OGA: variants seen among roughly 807,000 people sequenced by gnomAD.
OGA encodes protein O-GlcNAcase.
OGA carries 21 observed loss-of-function variants against 102.0 expected under a neutral mutation model. That is an observed-to-expected ratio of 0.21 (90% CI 0.15 to 0.30). The LOEUF is 0.30. Ranked by LOEUF, OGA falls within the 10% of genes least tolerant of loss-of-function variation. OGA has a pLI of 1.00. For missense variants in OGA, 765 were observed against 1,107.8 expected (o/e 0.69, Z 4.39); for synonymous variants, 408 against 378.2 (o/e 1.08, Z -0.91).
rs1400817836 is a variant in OGA, at chr10:101,803,098, G to A, written c.1036+637C>T. Among the ~76,000 whole-genome samples, 11 of 147,438 alleles carry A rather than the reference G, an allele frequency of 7.5e-5. No homozygotes were observed. The South Asian group carries it at 8.5e-4, about 11-fold the overall frequency. On this transcript the variant is annotated intron_variant, in intron 7 of 15. Transcript: ENST00000361464. The stretch of plus-strand genomic sequence containing the variant: ...AGAGGTTGCAGCGAGCTGAGATTGC[G>A]CCACTGCACTCCAGCCTGGGCGATG...
intron 1 of OGA, 51 bp downstream of exon 1, chr10:101,817,773 C>A: frequency 6.5e-7 from 1 of 1,528,468 alleles, no homozygotes; most frequent in Non-Finnish European, 8.8e-7. Flanking sequence ...ACCCTCCTCC[C>A]GAGGACAGAA....
At chr10:101,799,826 A>G (rs2065365696) in intron 8 of OGA, among the ~76,000 whole-genome samples, 1 of 152,166 alleles carries the variant, frequency 6.6e-6, no homozygotes, top group African/African-American at 2.4e-5. Flanking sequence ...AGATCCCCCA[A>G]TTTCATTTAA....
intron 3 of OGA, among the ~76,000 whole-genome samples, chr10:101,811,064 T>C (rs993529798): frequency 1.3e-5 from 2 of 151,796 alleles, no homozygotes; most frequent in African/African-American, 4.8e-5. Context: ...CATAACTACT[T>C]TATAATATGA....
At chr10:101,810,039 C>CT in intron 4 of OGA, 145 bp downstream of exon 4, 2 of 861,976 alleles carry the variant, frequency 2.3e-6, no homozygotes, top group African/African-American at 1.7e-5. Flanking sequence ...GAGCAAGACT[C>CT]TGTCTCAAAA....
At chr10:101,804,156 C>A (rs1055707083) in intron 6 of OGA, 137 bp from the exon 7 acceptor site, 10 of 572,306 alleles carry the variant, frequency 1.7e-5, no homozygotes, top group Non-Finnish European at 2.7e-5. Flanking sequence ...CCAGCCTGGG[C>A]AACACAGCGA....
At chr10:101,800,017 C>T (rs1371097951) in intron 8 of OGA, among the ~76,000 whole-genome samples, 2 of 152,118 alleles carry the variant, frequency 1.3e-5, no homozygotes, top group African/African-American at 4.8e-5. Context: ...GGACGACAGG[C>T]GCATGCCACC....
intron 3 of OGA, 159 bp downstream of exon 3, chr10:101,812,869 ACT>A: frequency 1.4e-6 from 1 of 702,070 alleles, no homozygotes; most frequent in Non-Finnish European, 2.6e-6. Flanking sequence ...AGCGCAGAGC[ACT>A]CTTTCAATCT....
At chr10:101,790,820 A>G (rs2065252963) in intron 14 of OGA, 76 bp downstream of exon 14, 1 of 1,094,962 alleles carries the variant, frequency 9.1e-7, no homozygotes, top group Non-Finnish European at 1.3e-6. Flanking sequence ...CATTTTAGTA[A>G]GTACTTTAAT....
Position 101,800,450 on chromosome 10 carries a change from C to T in OGA, c.1037-50G>A. 3 of 1,464,000 alleles carry T rather than the reference C, an allele frequency of 2.0e-6. No individual in the cohort carries two copies. In the South Asian group the frequency reaches 3.6e-5, roughly 17 times the overall value. 90.7% of individuals were successfully genotyped at this position (1,464,000 alleles called of 1,614,324 possible). On this transcript the variant is annotated intron_variant, in intron 7 of 15. Coordinates refer to ENST00000361464, the MANE Select transcript of OGA (RefSeq NM_012215.5). ...ACAAAAATAGTTTTGATTACAAAAG[C>T]CTTCTGACAAGTGAGAAGAATAAAT...
intron 5 of OGA, among the ~76,000 whole-genome samples, chr10:101,806,993 T>A (rs923928699): frequency 6.6e-6 from 1 of 152,202 alleles, no homozygotes; most frequent in Non-Finnish European, 1.5e-5. Context: ...AAAAAAAATT[T>A]TTTTAAAGGC....
At chr10:101,792,411 G>A (rs949334052) in intron 12 of OGA, among the ~76,000 whole-genome samples, 2 of 152,188 alleles carry the variant, frequency 1.3e-5, no homozygotes, top group Non-Finnish European at 2.9e-5. Context: ...AAAGTACTGG[G>A]ATTACAGACG....
intron 15 of OGA, 80 bp from the exon 16 acceptor site, chr10:101,786,667 G>T: frequency 2.5e-6 from 3 of 1,188,938 alleles, no homozygotes; most frequent in Non-Finnish European, 3.4e-6. Context: ...TAATCTTCGA[G>T]ATGGTTAATA....
chr10:101,791,573 T>A, intron 12 of OGA, 134 bp from the exon 13 acceptor site: 1 of 640,480 alleles, frequency 1.6e-6, no homozygotes, highest in Non-Finnish European at 2.8e-6. Context: ...TATCACCTCT[T>A]CTTTGTAAAA....
intron 7 of OGA, 59 bp downstream of exon 7, chr10:101,803,676 T>C: frequency 6.8e-7 from 1 of 1,465,330 alleles, no homozygotes; most frequent in African/African-American, 1.4e-5. Context: ...TACTTTCCAC[T>C]GGCTCTAGTT....
intron 3 of OGA, among the ~76,000 whole-genome samples, chr10:101,810,643 T>C (rs958571450): frequency 8.5e-5 from 13 of 152,234 alleles, no homozygotes; most frequent in Non-Finnish European, 2.9e-5. Context: ...TTTCCTCCCT[T>C]TCATTGCCAC....
At chr10:101,798,747 T>C in intron 9 of OGA, 95 bp downstream of exon 9, 1 of 1,406,512 alleles carries the variant, frequency 7.1e-7, no homozygotes, top group Non-Finnish European at 9.6e-7. Context: ...GTCAATTTTC[T>C]GTCAGTTACA....
At position 101,818,323 on chromosome 10, in the gene OGA, T is replaced by A. The variant is rs2065670412; in HGVS notation, c.-301A>T. On this transcript the variant is annotated 5_prime_UTR_variant, in exon 1 of 16. Transcript: ENST00000361464. ...TTCCCTGGAAGAAGACGGCCAAGGG[T>A]CCTGTCCTCGTTCTCTGCCTCTGCT... The A allele has an allele frequency of 8.5e-7, 1 of 1,180,230 alleles. No individual in the cohort carries two copies. Among genetic ancestry groups the A allele is most frequent in the East Asian group, 4.2e-5 (1 of 23,828 alleles). The allele number at this position is 1,180,230 out of a possible 1,614,324, so 73.1% of individuals were successfully genotyped here.
rs539265978 is a variant in OGA, at chr10:101,807,437, T to C, written c.652+293A>G. ...TGACTAAGGTAAAAGCAATGTAATT[T>C]GGTTTTTCTCCAGTTTTCATTTCAA... On this transcript the variant is annotated intron_variant, in intron 5 of 15. Coordinates refer to ENST00000361464, the MANE Select transcript of OGA (RefSeq NM_012215.5). 2.0e-5 allele frequency among the ~76,000 whole-genome samples: 3 copies of C among 152,324 alleles called. No individual in the cohort carries two copies. In the East Asian group the frequency reaches 5.8e-4, roughly 29 times the overall value.
intron 5 of OGA, among the ~76,000 whole-genome samples, chr10:101,807,395 T>C (rs890675434): frequency 6.6e-6 from 1 of 152,066 alleles, no homozygotes; most frequent in Non-Finnish European, 1.5e-5. Context: ...AGGGGACAAG[T>C]AGGAGGAAAT....
Sources: gnomAD v4.1 joint callset for allele counts (sites outside exome capture counted in the v4.1 genomes callset) on GRCh38, gnomAD v4.1.1 for gene constraint, MANE v1.5 for transcripts, NCBI Gene and HGNC (gene_info 2026-07-23, HGNC 2026-07-21) for gene names.